The following ZNG1F variants were observed in gnomAD, a reference collection of about 807,000 sequenced individuals.
ZNG1F encodes zinc-regulated GTPase metalloprotein activator 1F.
At chr9:41,162,736 A>G in the ZNG1F span, among the ~76,000 whole-genome samples, 13 of 112,832 alleles carry the variant, frequency 1.2e-4, no homozygotes, top group African/African-American at 3.9e-4. Flanking sequence ...GATACTCAAA[A>G]TTTTTACGGT....
chr9:41,178,334 CCTAA>C, the ZNG1F span, among the ~76,000 whole-genome samples: 2 of 49,552 alleles, frequency 4.0e-5, no homozygotes, highest in African/African-American at 1.6e-4. Context: ...TCAGAGCAAC[CCTAA>C]CTCTCTTCAG....
chr9:41,132,022 T>G, the ZNG1F span: 3 of 1,075,794 alleles, frequency 2.8e-6, no homozygotes, highest in Non-Finnish European at 3.9e-6. Context: ...GGTCCTTGGA[T>G]TAACCACTTT....
At chr9:41,141,115 G>A in the ZNG1F span, among the ~76,000 whole-genome samples, 3 of 151,100 alleles carry the variant, frequency 2.0e-5, no homozygotes, top group South Asian at 2.1e-4. Context: ...TCCAGTATGA[G>A]ACAAAAAAGG....
the ZNG1F span, among the ~76,000 whole-genome samples, chr9:41,148,691 T>G: frequency 7.1e-6 from 1 of 141,474 alleles, no homozygotes; most frequent in Admixed American, 7.1e-5. Flanking sequence ...CTCAATCAAT[T>G]TCTTTTTTCT....
the ZNG1F span, among the ~76,000 whole-genome samples, chr9:41,199,892 C>T: frequency 3.4e-5 from 5 of 148,780 alleles, no homozygotes; most frequent in Non-Finnish European, 6.0e-5. Flanking sequence ...TGTACTTTGG[C>T]TCCTTTCATT....
the ZNG1F span, chr9:41,177,695 GAAC>G: frequency 1.8e-5 from 2 of 113,512 alleles, no homozygotes; most frequent in South Asian, 3.5e-4. Flanking sequence ...GGAGATTATG[GAAC>G]AACATTTACA....
chr9:41,134,216 G>A, the ZNG1F span, among the ~76,000 whole-genome samples: 20 of 144,418 alleles, frequency 1.4e-4, 1 homozygote, highest in African/African-American at 4.6e-4. Flanking sequence ...AAAAAAATAA[G>A]CTACCCAGAG....
the ZNG1F span, among the ~76,000 whole-genome samples, chr9:41,204,930 T>C: frequency 4.6e-5 from 7 of 150,680 alleles, no homozygotes; most frequent in African/African-American, 1.7e-4. Context: ...GGTTGCATAA[T>C]ACCATATATT....
the ZNG1F span, among the ~76,000 whole-genome samples, chr9:41,193,852 T>C: frequency 3.6e-3 from 516 of 143,694 alleles, no homozygotes; most frequent in African/African-American, 5.1e-3. Flanking sequence ...TGAGCCAAGA[T>C]TGTGCCACTG....
At chr9:41,203,351 G>A in the ZNG1F span, among the ~76,000 whole-genome samples, 1 of 152,116 alleles carries the variant, frequency 6.6e-6, no homozygotes, top group Admixed American at 6.6e-5. Flanking sequence ...GCACAACTTA[G>A]CCACTCATTT....
At chr9:41,134,813 CTAAAGTAT>C in the ZNG1F span, among the ~76,000 whole-genome samples, 1 of 140,418 alleles carries the variant, frequency 7.1e-6, no homozygotes, top group Non-Finnish European at 1.6e-5. Flanking sequence ...AAGAGAATCG[CTAAAGTAT>C]TAAAGACCAA....
the ZNG1F span, among the ~76,000 whole-genome samples, chr9:41,155,234 A>G: frequency 3.4e-3 from 517 of 150,948 alleles, 9 homozygotes; most frequent in African/African-American, 0.011. Context: ...CATTTATGCC[A>G]CCAAAAAACA....
chr9:41,180,168 C>CTTTTTT, the ZNG1F span, among the ~76,000 whole-genome samples: 3 of 16,798 alleles, frequency 1.8e-4, no homozygotes, highest in African/African-American at 2.7e-4. Flanking sequence ...ATAAACACAG[C>CTTTTTT]TTTTTTTTTT....
the ZNG1F span, among the ~76,000 whole-genome samples, chr9:41,185,543 C>T: frequency 6.8e-6 from 1 of 147,146 alleles, no homozygotes; most frequent in African/African-American, 2.5e-5. Context: ...CATGGTGGCG[C>T]ATGCCTGTAG....
At chr9:41,185,679 AT>A in the ZNG1F span, among the ~76,000 whole-genome samples, 2 of 151,560 alleles carry the variant, frequency 1.3e-5, no homozygotes, top group Non-Finnish European at 2.9e-5. Flanking sequence ...CTCAAAAAAA[AT>A]AAAATAAAAT....
At chr9:41,175,256 G>A in the ZNG1F span, among the ~76,000 whole-genome samples, 2 of 145,518 alleles carry the variant, frequency 1.4e-5, no homozygotes, top group South Asian at 2.2e-4. Flanking sequence ...GCAAGATATA[G>A]CAAGGGCCAC....
the ZNG1F span, among the ~76,000 whole-genome samples, chr9:41,202,724 AG>A: frequency 8.2e-5 from 11 of 133,786 alleles, no homozygotes; most frequent in Middle Eastern, 7.4e-3. Context: ...CAAAAATAGT[AG>A]AGATTCCCAT....
chr9:41,164,913 T>G, the ZNG1F span: 1 of 1,270,404 alleles, frequency 7.9e-7, no homozygotes, highest in South Asian at 1.3e-5. Flanking sequence ...CCTTATACCT[T>G]AAGTTTCTAC....
the ZNG1F span, among the ~76,000 whole-genome samples, chr9:41,144,001 A>AT: frequency 1.6e-3 from 54 of 34,036 alleles, 24 homozygotes; most frequent in Middle Eastern, 0.031. Flanking sequence ...TGAATTATCG[A>AT]TTTTTTTTTA....
Sources: allele counts gnomAD v4.1 joint callset (sites outside exome capture counted in the v4.1 genomes callset), GRCh38; gene constraint gnomAD v4.1.1; transcripts MANE v1.5; gene names NCBI Gene and HGNC (gene_info 2026-07-23, HGNC 2026-07-21).